HAUS6: variants seen among roughly 807,000 people sequenced by gnomAD.
The protein encoded by HAUS6 is HAUS augmin-like complex subunit 6.
HAUS6 carries 80 observed loss-of-function variants against 106.8 expected under a neutral mutation model. The observed-to-expected ratio is 0.75, with a 90% CI of 0.63 to 0.90. The LOEUF (loss-of-function observed/expected upper bound fraction) is 0.90. HAUS6 is among the 40% of genes least tolerant of loss of function. The probability of loss-of-function intolerance (pLI) is 0.00; values close to 1 mark genes in which losing one functional copy is unlikely to be tolerated. For synonymous variants in HAUS6, 356 were observed against 379.1 expected (o/e 0.94, Z 0.71); for missense variants, 1,155 against 1,118.1 (o/e 1.03, Z -0.47).
chr9:19,058,365 A>G lies in HAUS6; in HGVS notation c.2402T>C (p.Leu801Pro), dbSNP rs777456054. The G allele has an allele frequency of 2.5e-6, 4 of 1,613,948 alleles. No homozygotes were observed. The Admixed American group carries it at 6.7e-5, about 27-fold the overall frequency. Residue 801 changes from leucine (L) to proline (P), a missense_variant, in exon 16 of 17, where the codon CTG becomes CCG. Leu to Pro is a moderately conservative substitution (Grantham distance 98, BLOSUM62 -3). Around this residue, in one of 3 missense-constraint regions of HAUS6, gnomAD observed 380 missense variants for 394.8 expected, o/e 0.96. Transcript: ENST00000380502. ...SSSSSEANFK[L>P]EPNSPMHGGT... ...ACCATGCATAGGACTATTTGGCTCCAGTTTAAAATTGGCCTCTGAACTACT... is the reference window on the plus strand; with the variant it reads ...ACCATGCATAGGACTATTTGGCTCCGGTTTAAAATTGGCCTCTGAACTACT...
chr9:19,093,150 T>A, intron 4 of HAUS6, 21 bp downstream of exon 4: 1 of 1,441,318 alleles, frequency 6.9e-7, no homozygotes, highest in Non-Finnish European at 9.5e-7. Flanking sequence ...AAACAAAAAA[T>A]CTTTTATAAG....
chr9:19,094,529 C>T (rs1006558260), intron 2 of HAUS6, 134 bp from the exon 3 acceptor site: 1 of 603,556 alleles, frequency 1.7e-6, no homozygotes. Context: ...CGGTGGCTCA[C>T]ACTTTTAATC....
At chr9:19,076,145 A>T (rs1157927142) in intron 11 of HAUS6, among the ~76,000 whole-genome samples, 1 of 151,574 alleles carries the variant, frequency 6.6e-6, no homozygotes. Flanking sequence ...CAATCATTTG[A>T]GCCCAGGAGT....
At chr9:19,095,611 T>C (rs908461794) in intron 2 of HAUS6, among the ~76,000 whole-genome samples, 10 of 152,078 alleles carry the variant, frequency 6.6e-5, no homozygotes, top group Admixed American at 2.6e-4. Context: ...TTATCCTGCA[T>C]ACTCAGAACT....
intron 4 of HAUS6, among the ~76,000 whole-genome samples, chr9:19,091,023 G>T (rs112181130): frequency 3.9e-5 from 6 of 152,222 alleles, no homozygotes; most frequent in Admixed American, 2.6e-4. Flanking sequence ...AGAATTGGCC[G>T]GGCGCAGTGG....
intron 12 of HAUS6, among the ~76,000 whole-genome samples, chr9:19,069,565 T>C (rs1836843175): frequency 6.6e-6 from 1 of 152,012 alleles, no homozygotes; most frequent in South Asian, 2.1e-4. Flanking sequence ...GGCAGGCGCT[T>C]GTAATGCCAG....
At chr9:19,067,256 ATTATC>A (rs893960668) in intron 12 of HAUS6, among the ~76,000 whole-genome samples, 1 of 152,198 alleles carries the variant, frequency 6.6e-6, no homozygotes, top group Non-Finnish European at 1.5e-5. Flanking sequence ...CAAAAAAGGT[ATTATC>A]TTCTTTCATT....
chr9:19,079,881 A>G (rs1440359316), intron 9 of HAUS6, among the ~76,000 whole-genome samples: 3 of 141,630 alleles, frequency 2.1e-5, no homozygotes, highest in African/African-American at 8.0e-5. Context: ...ACTCTGTCTC[A>G]AAAAAAAAAG....
chr9:19,102,607 C>G lies in HAUS6; in HGVS notation c.45G>C (p.Trp15Cys). 6.2e-7 allele frequency: 1 copy of G among 1,613,722 alleles called. No homozygotes were observed. The highest frequency in any genetic ancestry group is 8.5e-7 in the Non-Finnish European group (1 of 1,179,816). The change falls in exon 1 of 17, where the codon TGG becomes TGC. Residue 15 changes from tryptophan (W) to cysteine (C), a missense_variant. By Grantham distance (215) the Trp-to-Cys change is radical (BLOSUM62 -2). Coordinates refer to ENST00000380502, the MANE Select transcript of HAUS6 (RefSeq NM_017645.5). ...SVTAFEKEHL[W>C]MYLQALGFEP... ...CGAAGCCGAGCGCCTGCAGATACATCCAGAGATGCTCCTTCTCGAAAGCGG... is the reference window on the plus strand; with the variant it reads ...CGAAGCCGAGCGCCTGCAGATACATGCAGAGATGCTCCTTCTCGAAAGCGG...
At chr9:19,061,626 C>T (rs557674456) in intron 14 of HAUS6, among the ~76,000 whole-genome samples, 62 of 152,144 alleles carry the variant, frequency 4.1e-4, no homozygotes, top group African/African-American at 1.3e-3. Flanking sequence ...CTTCAGGCTA[C>T]GGGTTCGAGA....
At position 19,102,565 on chromosome 9, in the gene HAUS6, G is replaced by C. The variant is rs750786113; in HGVS notation, c.87C>G (p.Thr29=). The C allele has an allele frequency of 8.1e-6, 13 of 1,613,926 alleles. No individual in the cohort carries two copies. The highest frequency in any genetic ancestry group is 5.0e-5 in the Admixed American group (3 of 60,004). ...GCGACACGATCTTTCCGCAGGCAAT[G>C]GTTGCCGGGCCTGGCTCGAAGCCGA... The part of the protein sequence containing the change: ...QALGFEPGPA[T]IACGKIVSHT... Residue 29 remains threonine (T), a synonymous_variant, in exon 1 of 17, where the codon ACC becomes ACG. Coordinates refer to ENST00000380502, the MANE Select transcript of HAUS6 (RefSeq NM_017645.5).
chr9:19,056,633 C>T, intron 16 of HAUS6: 1 of 407,928 alleles, frequency 2.5e-6, no homozygotes, highest in Non-Finnish European at 4.4e-6. Flanking sequence ...CAGGGTCTTG[C>T]TCTGTCACCC....
intron 2 of HAUS6, among the ~76,000 whole-genome samples, chr9:19,095,890 T>A (rs1408252653): frequency 1.3e-5 from 2 of 152,164 alleles, no homozygotes; most frequent in Non-Finnish European, 2.9e-5. Flanking sequence ...GGAATGATTT[T>A]TGCCTAAAGC....
chr9:19,058,979 C>T lies in HAUS6; in HGVS notation c.1788G>A (p.Trp596Ter). 6.3e-7 allele frequency: 1 copy of T among 1,592,082 alleles called. No homozygotes were observed. Among genetic ancestry groups the T allele is most frequent in the Non-Finnish European group, 8.6e-7 (1 of 1,162,556 alleles). Reference sequence around the variant, plus strand: ...TTTCTTCCATTTCAATAGCTTTTCTCCATGAGCTCCTAATTTCAGTTACTA... The same window carrying T: ...TTTCTTCCATTTCAATAGCTTTTCTTCATGAGCTCCTAATTTCAGTTACTA... Reference protein sequence around the residue: ...ENLITEIRSSWRKAIEMEENR... With the variant: ...ENLITEIRSS The change falls in exon 16 of 17, where the codon TGG becomes TGA. Residue 596 changes from tryptophan to a stop codon, truncating the protein, a stop_gained. Coordinates refer to ENST00000380502, the MANE Select transcript of HAUS6 (RefSeq NM_017645.5). LOFTEE classifies it high-confidence loss of function.
intron 1 of HAUS6, among the ~76,000 whole-genome samples, chr9:19,100,618 C>T (rs940065063): frequency 6.6e-6 from 1 of 152,162 alleles, no homozygotes; most frequent in Non-Finnish European, 1.5e-5. Context: ...ATGAAAGAGG[C>T]ATCTGCACTC....
intron 16 of HAUS6, 142 bp from the exon 17 acceptor site, chr9:19,056,546 C>A: frequency 1.7e-6 from 1 of 590,414 alleles, no homozygotes. Context: ...TATTATTATT[C>A]TCACCAAAGT....
intron 1 of HAUS6, among the ~76,000 whole-genome samples, chr9:19,097,303 G>T (rs1012256611): frequency 2.6e-5 from 4 of 152,142 alleles, no homozygotes; most frequent in African/African-American, 9.7e-5. Context: ...TGCCATCAGA[G>T]TGAACAGGCA....
chr9:19,082,507 G>T (rs1180390553), intron 8 of HAUS6, among the ~76,000 whole-genome samples: 1 of 152,184 alleles, frequency 6.6e-6, no homozygotes, highest in African/African-American at 2.4e-5. Flanking sequence ...CCAGCACTTT[G>T]GGAGGCCAAG....
At chr9:19,087,600 A>T (rs1837327775) in intron 5 of HAUS6, among the ~76,000 whole-genome samples, 1 of 152,176 alleles carries the variant, frequency 6.6e-6, no homozygotes, top group Non-Finnish European at 1.5e-5. Context: ...CACACCTGTA[A>T]TGCCTATATT....
Sources: allele counts gnomAD v4.1 joint callset (sites outside exome capture counted in the v4.1 genomes callset), GRCh38; gene constraint gnomAD v4.1.1; regional missense constraint gnomAD v4.1.1; transcripts MANE v1.5; gene names NCBI Gene and HGNC (gene_info 2026-07-23, HGNC 2026-07-21).